FOXP1: variants seen among roughly 807,000 people sequenced by gnomAD.
The protein encoded by FOXP1 is forkhead box P1.
In FOXP1, 15 loss-of-function variants were observed where a neutral mutation model predicts 98.2. The ratio of observed to expected loss-of-function variants is 0.15; its 90% CI spans 0.10 to 0.24. FOXP1 has a LOEUF of 0.24. FOXP1 is among the 10% of genes least tolerant of loss of function. The pLI is 1.00. For missense variants in FOXP1, 633 were observed against 848.5 expected, an observed-to-expected ratio of 0.75 and a Z score of 3.15; for synonymous variants, 371 against 314.5, an observed-to-expected ratio of 1.18 and a Z score of -1.90.
At chr3:71,372,779 A>C (rs907980541) in intron 3 of FOXP1, among the ~76,000 whole-genome samples, 8 of 152,242 alleles carry the variant, frequency 5.3e-5, no homozygotes, top group Non-Finnish European at 1.0e-4. Context: ...TAAATGCCAG[A>C]GTGATTTGCA....
intron 7 of FOXP1, among the ~76,000 whole-genome samples, chr3:71,071,472 T>C (rs966310138): frequency 6.6e-6 from 1 of 152,204 alleles, no homozygotes; most frequent in Admixed American, 6.5e-5. Flanking sequence ...TATTAATGAC[T>C]TTGTCAGGAA....
rs2107494258 is a variant in FOXP1, at chr3:70,988,058, C to A, written c.1082G>T (p.Arg361Leu). Residue 361 changes from arginine to leucine, a missense_variant, in exon 14 of 21, where the codon CGC (arginine) becomes CTC (leucine). By Grantham distance (102) the Arg-to-Leu change is moderately radical. Around this residue, in one of 6 missense-constraint regions of FOXP1, gnomAD observed 23 missense variants for 92.9 expected, o/e 0.25. Transcript: ENST00000649528. Reference sequence around the variant, plus strand: ...CAGGTGGGTCATCATGGCTTGCAGGCGTTCTTTGTCTTTTGCAAGCTGGCA... The same window carrying A: ...CAGGTGGGTCATCATGGCTTGCAGGAGTTCTTTGTCTTTTGCAAGCTGGCA... ...LELQLAKDKERLQAMMTHLHV... is the reference protein window; with the variant it reads ...LELQLAKDKELLQAMMTHLHV... 6.2e-7 allele frequency: 1 copy of A among 1,614,048 alleles called. No homozygotes were observed. The highest frequency in any genetic ancestry group is 8.5e-7 in the Non-Finnish European group (1 of 1,179,958).
At chr3:71,523,614 A>G (rs2043151213) in intron 2 of FOXP1, among the ~76,000 whole-genome samples, 1 of 152,198 alleles carries the variant, frequency 6.6e-6, no homozygotes, top group African/African-American at 2.4e-5. Context: ...CTTAGGGGGC[A>G]TTCTAAATTC....
chr3:70,985,698 T>C (rs1207649503), intron 14 of FOXP1, among the ~76,000 whole-genome samples: 1 of 152,154 alleles, frequency 6.6e-6, no homozygotes, highest in Admixed American at 6.5e-5. Context: ...CTTTTTTTTT[T>C]TCAAAGGGTA....
At chr3:71,473,450 T>A (rs1040632115) in intron 3 of FOXP1, among the ~76,000 whole-genome samples, 6 of 152,164 alleles carry the variant, frequency 3.9e-5, no homozygotes, top group Non-Finnish European at 8.8e-5. Context: ...GCTCCCCTCA[T>A]GTCATATGTC....
intron 3 of FOXP1, among the ~76,000 whole-genome samples, chr3:71,365,968 T>C (rs993029026): frequency 7.9e-5 from 12 of 152,194 alleles, no homozygotes; most frequent in Non-Finnish European, 1.8e-4. Flanking sequence ...CAAGACTCCA[T>C]TTTAAAAACA....
chr3:71,505,872 A>C (rs1014094731), intron 2 of FOXP1, among the ~76,000 whole-genome samples: 3 of 152,276 alleles, frequency 2.0e-5, no homozygotes, highest in African/African-American at 7.2e-5. Flanking sequence ...AAAGGATGAG[A>C]TTATCACTTC....
rs146897542 is a variant in FOXP1, at chr3:71,231,300, GC to G, written c.-11-32909del. Among the ~76,000 whole-genome samples the G allele has an allele frequency of 5.5e-3, 836 of 152,290 alleles. 10 individuals carry two copies. Among genetic ancestry groups the G allele is most frequent in the African/African-American group, 0.019 (780 of 41,568 alleles). On this transcript the variant is annotated intron_variant, in intron 5 of 20. Coordinates refer to ENST00000649528, the MANE Select transcript of FOXP1 (RefSeq NM_001349338.3). ...GAGACATGATAGCACCTGCAAACATGCTTCCTTCTTGTTTTGCATTCAAGAG... is the reference window on the plus strand; with the variant it reads ...GAGACATGATAGCACCTGCAAACATGTTCCTTCTTGTTTTGCATTCAAGAG...
chr3:70,955,232 G>GA lies in FOXP1; in HGVS notation c.*4014dup, dbSNP rs902036957. On this transcript the variant is annotated 3_prime_UTR_variant, in exon 21 of 21. Coordinates refer to ENST00000649528, the MANE Select transcript of FOXP1 (RefSeq NM_001349338.3). Reference sequence around the variant, plus strand: ...TTTTAACTCTATTTTTTTTCATGAGGAAAAAAAAGCTAGTGATTTACAGCC... The same window carrying GA: ...TTTTAACTCTATTTTTTTTCATGAGGAAAAAAAAAGCTAGTGATTTACAGCC... 4.7e-5 allele frequency: 11 copies of GA among 232,026 alleles called. No individual in the cohort carries two copies. Among genetic ancestry groups the GA allele is most frequent in the African/African-American group, 1.6e-4 (7 of 45,146 alleles). 14.4% of individuals were successfully genotyped at this position (232,026 alleles called of 1,614,324 possible).
intron 3 of FOXP1, among the ~76,000 whole-genome samples, chr3:71,372,111 C>A (rs2079373441): frequency 1.3e-5 from 2 of 151,556 alleles, no homozygotes; most frequent in South Asian, 4.2e-4. Flanking sequence ...CTCCAGGGTT[C>A]AAGCGATTCT....
In FOXP1 at chr3:71,379,942, G is replaced by A. The variant is rs147814588; in HGVS notation, c.-167-20698C>T. Among the ~76,000 whole-genome samples the A allele has an allele frequency of 5.5e-3, 831 of 152,308 alleles. 7 individuals carry two copies. Among genetic ancestry groups the A allele is most frequent in the African/African-American group, 0.019 (786 of 41,568 alleles). The stretch of plus-strand genomic sequence containing the variant: ...TATTTCTTTTAAGGAACAATGTAAA[G>A]CCTTCCTCTAGATAGACTAATTTAT... On this transcript the variant is annotated intron_variant, in intron 3 of 20. Coordinates refer to ENST00000649528, the MANE Select transcript of FOXP1 (RefSeq NM_001349338.3).
chr3:71,229,756 G>C (rs1576485316), intron 5 of FOXP1, among the ~76,000 whole-genome samples: 1 of 152,196 alleles, frequency 6.6e-6, no homozygotes, highest in East Asian at 1.9e-4. Flanking sequence ...ATAAACGCCG[G>C]AAGTTGGATC....
chr3:71,288,572 T>A (rs1421583856), intron 5 of FOXP1: 1 of 152,228 alleles, frequency 6.6e-6, no homozygotes, highest in Admixed American at 6.5e-5. Context: ...ATGATTACAA[T>A]CGACATATTC....
intron 3 of FOXP1, among the ~76,000 whole-genome samples, chr3:71,401,687 G>C (rs1360408710): frequency 6.6e-6 from 1 of 152,212 alleles, no homozygotes; most frequent in Non-Finnish European, 1.5e-5. Context: ...ATCTGGAACT[G>C]TCTCTGCTCT....
intron 6 of FOXP1, among the ~76,000 whole-genome samples, chr3:71,173,842 T>C (rs1394592732): frequency 1.3e-5 from 2 of 152,046 alleles, no homozygotes; most frequent in Non-Finnish European, 2.9e-5. Context: ...TGAAGGAAGC[T>C]TTAAGGAATG....
chr3:71,480,080 C>T (rs545171817), intron 3 of FOXP1, among the ~76,000 whole-genome samples: 3 of 152,312 alleles, frequency 2.0e-5, no homozygotes, highest in South Asian at 2.1e-4. Context: ...CCTGTAATCC[C>T]AGCTACTCAG....
At chr3:71,279,204 G>A (rs1287562298) in intron 5 of FOXP1, among the ~76,000 whole-genome samples, 17 of 142,062 alleles carry the variant, frequency 1.2e-4, no homozygotes, top group African/African-American at 2.3e-4. Flanking sequence ...GAAAGAAATA[G>A]GAATTGATAC....
chr3:71,282,195 A>T (rs575839910), intron 5 of FOXP1, among the ~76,000 whole-genome samples: 1 of 152,186 alleles, frequency 6.6e-6, no homozygotes, highest in South Asian at 2.1e-4. Context: ...CACGTAAGAA[A>T]TGAGCAGAAG....
intron 13 of FOXP1, among the ~76,000 whole-genome samples, chr3:70,990,723 T>A (rs2040470988): frequency 6.6e-6 from 1 of 152,156 alleles, no homozygotes; most frequent in Non-Finnish European, 1.5e-5. Context: ...GTATCTAGCA[T>A]AAAGGAAATG....
Sources: allele counts gnomAD v4.1 joint callset (sites outside exome capture counted in the v4.1 genomes callset), GRCh38; gene constraint gnomAD v4.1.1; regional missense constraint gnomAD v4.1.1; transcripts MANE v1.5; gene names NCBI Gene and HGNC (gene_info 2026-07-23, HGNC 2026-07-21).